Variants in EIF2B3 observed in about 807,000 individuals in gnomAD.
EIF2B3 encodes the protein eukaryotic translation initiation factor 2B subunit gamma, also known as translation initiation factor eIF2B subunit gamma.
EIF2B3 carries 20 observed loss-of-function variants against 54.1 expected under a neutral mutation model. That is an observed-to-expected ratio of 0.37 (90% CI 0.26 to 0.54). The LOEUF is 0.54. EIF2B3 is among the 20% of genes least tolerant of loss of function. The probability of loss-of-function intolerance (pLI) is 0.86; values close to 1 mark genes in which losing one functional copy is unlikely to be tolerated. For synonymous variants in EIF2B3, 153 were observed against 188.1 expected (o/e 0.81, Z 1.52); for missense variants, 448 against 547.8 (o/e 0.82, Z 1.82).
At chr1:44,875,745 C>G in intron 8 of EIF2B3, 50 bp from the exon 9 acceptor site, 1 of 1,289,900 alleles carries the variant, frequency 7.8e-7, no homozygotes, top group Non-Finnish European at 1.1e-6. Flanking sequence ...CCTTAGGTAG[C>G]TCTCCCTCTC....
At chr1:44,874,857 A>G (rs779422482) in intron 9 of EIF2B3, 31 bp from the exon 10 acceptor site, 5 of 1,613,604 alleles carry the variant, frequency 3.1e-6, no homozygotes, top group Non-Finnish European at 4.2e-6. Context: ...AACTCTGTCC[A>G]CCCATCTCAA....
chr1:44,895,818 T>C (rs1655952353), intron 6 of EIF2B3, among the ~76,000 whole-genome samples: 1 of 152,238 alleles, frequency 6.6e-6, no homozygotes, highest in South Asian at 2.1e-4. Context: ...TTTGCATTTA[T>C]GTGAAATTTT....
At chr1:44,939,101 C>CAAAAAAAAAAA (rs35410499) in intron 4 of EIF2B3, among the ~76,000 whole-genome samples, 12 of 56,218 alleles carry the variant, frequency 2.1e-4, no homozygotes, top group African/African-American at 3.4e-4. Context: ...GACCCTGTCT[C>CAAAAAAAAAAA]AAAAAAAAAA....
At chr1:44,950,703 T>A (rs937053152) in intron 3 of EIF2B3, among the ~76,000 whole-genome samples, 3 of 152,338 alleles carry the variant, frequency 2.0e-5, no homozygotes, top group African/African-American at 7.2e-5. Context: ...TTATTTATTT[T>A]TTGAGACAAG....
intron 3 of EIF2B3, among the ~76,000 whole-genome samples, chr1:44,953,264 G>GA (rs140124660): frequency 0.095 from 13,730 of 144,028 alleles, 807 homozygotes; most frequent in Non-Finnish European, 0.14. Flanking sequence ...TGAAAAAAAA[G>GA]AAAAAAAAAA....
chr1:44,918,693 T>C (rs889669634), intron 5 of EIF2B3, among the ~76,000 whole-genome samples: 4 of 152,322 alleles, frequency 2.6e-5, no homozygotes, highest in South Asian at 2.1e-4. Flanking sequence ...ACCTAACCAA[T>C]AGCATTCTTA....
intron 1 of EIF2B3, among the ~76,000 whole-genome samples, chr1:44,982,908 A>G (rs1644529797): frequency 6.6e-6 from 1 of 152,102 alleles, no homozygotes. Flanking sequence ...GATTATAGGC[A>G]TGCACCACCA....
chr1:44,910,374 C>T (rs59938994), intron 5 of EIF2B3, among the ~76,000 whole-genome samples: 25,771 of 152,114 alleles, frequency 0.17, 2,284 homozygotes, highest in Non-Finnish European at 0.18. Context: ...TAACAAGCTC[C>T]TTCTACCAGA....
At chr1:44,979,474 CAAAAAAAAA>C (rs34452633) in intron 2 of EIF2B3, among the ~76,000 whole-genome samples, 1 of 56,012 alleles carries the variant, frequency 1.8e-5, no homozygotes, top group Non-Finnish European at 3.4e-5. Flanking sequence ...CTGTCTCTGC[CAAAAAAAAA>C]AAAAAAAAAA....
At position 44,965,634 on chromosome 1, in the gene EIF2B3, C is replaced by CTTTTT. The variant is rs386366856; in HGVS notation, c.294+12676_294+12680dup. 2.8e-3 allele frequency among the ~76,000 whole-genome samples: 289 copies of CTTTTT among 102,402 alleles called. 5 individuals carry two copies. Among genetic ancestry groups the CTTTTT allele is most frequent in the Non-Finnish European group, 4.4e-3 (235 of 53,810 alleles). The allele number at this position is 102,402 out of a possible 152,430, so 67.2% of individuals were successfully genotyped here. ...GGGTATCTGAGATGCACAAATGCAT[C>CTTTTT]TTTTTTTTTTTTTTTTTTTTTTTGA... On this transcript the variant is annotated intron_variant, in intron 3 of 11. Transcript: ENST00000360403.
chr1:44,975,992 T>C (rs11576875), intron 3 of EIF2B3, among the ~76,000 whole-genome samples: 33,715 of 151,958 alleles, frequency 0.22, 4,068 homozygotes, highest in Admixed American at 0.33. Flanking sequence ...CAAGACTCTG[T>C]CTCAAAAAGA....
intron 3 of EIF2B3, 116 bp downstream of exon 3, chr1:44,978,199 C>G: frequency 8.1e-7 from 1 of 1,230,288 alleles, no homozygotes; most frequent in Non-Finnish European, 1.2e-6. Flanking sequence ...CTACTGCACT[C>G]CGGCCTAGGT....
chr1:44,857,866 T>C (rs1023931440), intron 10 of EIF2B3, 59 bp from the exon 11 acceptor site: 51 of 1,542,436 alleles, frequency 3.3e-5, no homozygotes, highest in Non-Finnish European at 3.9e-5. Flanking sequence ...TCCTCATTAC[T>C]ATTGGTTGGG....
rs187371965 is a variant in EIF2B3 at position 44,939,248 on chromosome 1, T to C, written c.454+2258A>G. Reference sequence around the variant, plus strand: ...AGAATTCAAACTCTTTCGTCTGATATCTGGCTCTTCTCCAGTCCTATCTGC... The same window carrying C: ...AGAATTCAAACTCTTTCGTCTGATACCTGGCTCTTCTCCAGTCCTATCTGC... On this transcript the variant is annotated intron_variant, in intron 4 of 11. Transcript: ENST00000360403. 1.9e-3 allele frequency among the ~76,000 whole-genome samples: 286 copies of C among 152,218 alleles called. 1 individual carries two copies. Among genetic ancestry groups the C allele is most frequent in the African/African-American group, 6.6e-3 (273 of 41,532 alleles).
intron 10 of EIF2B3, among the ~76,000 whole-genome samples, chr1:44,862,668 C>T (rs1037694583): frequency 7.9e-5 from 12 of 152,266 alleles, no homozygotes; most frequent in Admixed American, 3.9e-4. Context: ...CACTGTCGCC[C>T]GGACTGGAGT....
chr1:44,955,684 T>A (rs1569834667), intron 3 of EIF2B3, among the ~76,000 whole-genome samples: 2 of 151,500 alleles, frequency 1.3e-5, no homozygotes, highest in African/African-American at 4.9e-5. Flanking sequence ...AAAAACCCCA[T>A]CAAAAAGTGG....
At chr1:44,873,704 G>T (rs1215018206) in intron 10 of EIF2B3, among the ~76,000 whole-genome samples, 2 of 151,432 alleles carry the variant, frequency 1.3e-5, no homozygotes, top group African/African-American at 4.9e-5. Context: ...GCAGTGGTGC[G>T]ATCTCAGCTC....
chr1:44,867,548 C>A (rs1228798294), intron 10 of EIF2B3, among the ~76,000 whole-genome samples: 1 of 152,040 alleles, frequency 6.6e-6, no homozygotes, highest in Non-Finnish European at 1.5e-5. Flanking sequence ...CCCTTCTGAA[C>A]AATTTTATGC....
chr1:44,964,041 T>A (rs1166876905), intron 3 of EIF2B3, among the ~76,000 whole-genome samples: 1 of 149,308 alleles, frequency 6.7e-6, no homozygotes, highest in African/African-American at 2.5e-5. Flanking sequence ...AAAAGTAAGG[T>A]GAAAACATTT....
Sources: gnomAD v4.1 joint callset for allele counts (sites outside exome capture counted in the v4.1 genomes callset) on GRCh38, gnomAD v4.1.1 for gene constraint, MANE v1.5 for transcripts, NCBI Gene and HGNC (gene_info 2026-07-23, HGNC 2026-07-21) for gene names.